The following SEMA4D variants were observed in gnomAD, a reference collection of about 807,000 sequenced individuals.
The protein encoded by SEMA4D is semaphorin-4D.
A neutral mutation model predicts 74.8 loss-of-function variants in SEMA4D; 22 were observed. The observed-to-expected ratio is 0.29, with a 90% CI of 0.21 to 0.42. The LOEUF (loss-of-function observed/expected upper bound fraction) is 0.42, where lower values mean the gene tolerates loss of function less well. SEMA4D is among the 10% of genes least tolerant of loss of function. The probability of loss-of-function intolerance (pLI) is 1.00; values close to 1 mark genes in which losing one functional copy is unlikely to be tolerated. For missense variants in SEMA4D, 937 were observed against 1,118.4 expected (o/e 0.84, Z 2.31); for synonymous variants, 445 against 463.7 (o/e 0.96, Z 0.52).
intron 1 of SEMA4D, among the ~76,000 whole-genome samples, chr9:89,464,829 G>C (rs926908204): frequency 1.3e-4 from 19 of 151,934 alleles, no homozygotes; most frequent in African/African-American, 3.6e-4. Flanking sequence ...CACGGGGTGT[G>C]GGGGGAGGGT....
At chr9:89,364,296 C>G (rs567961987) in intron 16 of SEMA4D, 9 of 381,366 alleles carry the variant, frequency 2.4e-5, no homozygotes, top group Admixed American at 3.7e-5. Flanking sequence ...CCCACCATGG[C>G]CCTGCTGCCA....
At chr9:89,394,031 C>G (rs1184380923) in intron 6 of SEMA4D, among the ~76,000 whole-genome samples, 2 of 152,212 alleles carry the variant, frequency 1.3e-5, no homozygotes, top group African/African-American at 4.8e-5. Flanking sequence ...AGAATTTTAA[C>G]ATCAATAAAG....
chr9:89,428,920 C>G (rs1206057897), intron 2 of SEMA4D, among the ~76,000 whole-genome samples: 1 of 152,248 alleles, frequency 6.6e-6, no homozygotes, highest in African/African-American at 2.4e-5. Context: ...GGCCCCTGGA[C>G]CCTGCCAACC....
chr9:89,491,641 A>G (rs1011126689), intron 1 of SEMA4D, among the ~76,000 whole-genome samples: 2 of 152,274 alleles, frequency 1.3e-5, no homozygotes, highest in South Asian at 4.1e-4. Flanking sequence ...GATGCCAGGG[A>G]GACTCTGCAT....
chr9:89,411,036 G>A (rs1446166360), intron 2 of SEMA4D, among the ~76,000 whole-genome samples: 2 of 152,192 alleles, frequency 1.3e-5, no homozygotes, highest in African/African-American at 2.4e-5. Flanking sequence ...CCAAAACAAG[G>A]GAGCTGCTTC....
chr9:89,363,666 G>GT (rs879723757), intron 17 of SEMA4D: 340 of 1,593,084 alleles, frequency 2.1e-4, no homozygotes, highest in Non-Finnish European at 2.7e-4. Flanking sequence ...CTTTCCAGCT[G>GT]TTTTTTTCAC....
Position 89,389,002 on chromosome 9 carries a change from A to G in SEMA4D, c.820T>C (p.Phe274Leu). 6.2e-6 allele frequency: 10 copies of G among 1,614,118 alleles called. No individual in the cohort carries two copies. The highest frequency in any genetic ancestry group is 8.5e-6 in the Non-Finnish European group (10 of 1,180,022). ...LRTLQKKWTS[F>L]LKARLICSRP... ...GAGCAGATGAGTCGGGCTTTCAGGA[A>G]GGAGGTCCATTTCTTCTGCAAGGTC... The change falls in exon 10 of 16, where the codon TTC becomes CTC. Residue 274 changes from phenylalanine (F) to leucine (L), a missense_variant. Transcript: ENST00000422704.
chr9:89,428,845 C>T (rs1848647046), intron 2 of SEMA4D, among the ~76,000 whole-genome samples: 1 of 152,220 alleles, frequency 6.6e-6, no homozygotes, highest in African/African-American at 2.4e-5. Context: ...CACTAGGTCC[C>T]CATCTCCACC....
rs530619000 is a variant in SEMA4D at position 89,388,510 on chromosome 9, T to C, written c.1107+126A>G. The C allele has an allele frequency of 2.2e-4, 262 of 1,167,906 alleles. 1 individual carries two copies. In the Admixed American group the frequency reaches 2.7e-3, roughly 12 times the overall value. The allele number at this position is 1,167,906 out of a possible 1,614,324, so 72.3% of individuals were successfully genotyped here. On this transcript the variant is annotated intron_variant, in intron 11 of 15. Transcript: ENST00000422704. The stretch of plus-strand genomic sequence containing the variant: ...GAGCTGTGCTCATCGGCCGTCCCTG[T>C]CCCAATGCAGAGAGCCTTGGCGTGG...
At chr9:89,442,326 G>C (rs1262402219) in intron 2 of SEMA4D, among the ~76,000 whole-genome samples, 1 of 152,244 alleles carries the variant, frequency 6.6e-6, no homozygotes, top group East Asian at 1.9e-4. Context: ...CCTGTCAGAA[G>C]AGGAGGGAGC....
Position 89,461,700 on chromosome 9 carries a change from C to CTCTTTTTT in SEMA4D, c.-309-5748_-309-5747insAAAAAAGA, listed in dbSNP as rs71281350. 1.3e-3 allele frequency among the ~76,000 whole-genome samples: 135 copies of CTCTTTTTT among 103,660 alleles called. 3 individuals are homozygous for CTCTTTTTT. Among genetic ancestry groups the CTCTTTTTT allele is most frequent in the South Asian group, 5.7e-3 (15 of 2,638 alleles). 68.0% of individuals were successfully genotyped at this position (103,660 alleles called of 152,430 possible). A position where few individuals can be genotyped will look rare whatever the true frequency, so the allele number is the denominator to read the frequency against. On this transcript the variant is annotated intron_variant, in intron 1 of 15. Coordinates refer to ENST00000422704, the MANE Select transcript of SEMA4D (RefSeq NM_001371194.2). ...GGGCCAATGTGTATTTCTTTTTTCT[C>CTCTTTTTT]TTTTTTTTTTTTTTTTTTTGGAGAC... is the stretch of plus-strand genomic sequence containing the variant.
At chr9:89,375,999 A>G (rs1835739492), downstream of SEMA4D, among the ~76,000 whole-genome samples, 1 of 152,100 alleles carries the variant, frequency 6.6e-6, no homozygotes, top group Admixed American at 6.5e-5. Flanking sequence ...AAGCCTGGTT[A>G]GTTTTTTTCA....
intron 2 of SEMA4D, among the ~76,000 whole-genome samples, chr9:89,428,579 AGCCTGCTCAAGGTCACG>A (rs1848593620): frequency 6.3e-5 from 1 of 15,884 alleles, no homozygotes; most frequent in Admixed American, 5.5e-4. Context: ...ACAGGCATGG[AGCCTGCTCAAGGTCACG>A]GAGCCTGCTC....
intron 1 of SEMA4D, among the ~76,000 whole-genome samples, chr9:89,476,372 AC>A (rs1404049048): frequency 2.0e-5 from 3 of 152,344 alleles, no homozygotes; most frequent in African/African-American, 7.2e-5. Flanking sequence ...GTGCCACAGT[AC>A]CCAGATATCT....
chr9:89,364,097 C>G, intron 16 of SEMA4D: 1 of 1,509,144 alleles, frequency 6.6e-7, no homozygotes, highest in Non-Finnish European at 8.9e-7. Flanking sequence ...TGGGACTGCC[C>G]TGGAGGTGGC....
intron 2 of SEMA4D, among the ~76,000 whole-genome samples, chr9:89,432,820 G>A (rs1849567802): frequency 6.6e-6 from 1 of 152,156 alleles, no homozygotes; most frequent in Non-Finnish European, 1.5e-5. Context: ...GAATCATGAC[G>A]GTCCCTTAAA....
At position 89,412,389 on chromosome 9, in the gene SEMA4D, G is replaced by C. The variant is rs371541632; in HGVS notation, c.-243-6690C>G. Among the ~76,000 whole-genome samples the C allele has an allele frequency of 3.9e-5, 6 of 152,364 alleles. No homozygotes were observed. The East Asian group carries it at 7.7e-4, about 20-fold the overall frequency. ...TTCCAGGAGTGTCAGCAGGTGCCCA[G>C]GTGGAAGCCAGCAGGTTCTCCTGTG... On this transcript the variant is annotated intron_variant, in intron 2 of 15. Transcript: ENST00000422704.
At chr9:89,488,201 T>G (rs4304417) in intron 1 of SEMA4D, among the ~76,000 whole-genome samples, 2 of 152,120 alleles carry the variant, frequency 1.3e-5, no homozygotes, top group African/African-American at 2.4e-5. Flanking sequence ...AAACATGGTA[T>G]CAACATAATT....
exon 19 of SEMA4D, chr9:89,362,409 G>A (rs1554729341): frequency 5.0e-6 from 8 of 1,613,946 alleles, no homozygotes; most frequent in Non-Finnish European, 4.2e-6. Flanking sequence ...TGGCTACAGG[G>A]TGTCCTTGCT....
Sources: allele counts gnomAD v4.1 joint callset (sites outside exome capture counted in the v4.1 genomes callset), GRCh38; gene constraint gnomAD v4.1.1; transcripts MANE v1.5; gene names NCBI Gene and HGNC (gene_info 2026-07-23, HGNC 2026-07-21).